Variants in STPG4 observed in about 807,000 individuals in gnomAD.
The protein encoded by STPG4 is protein STPG4.
Under a neutral mutation model 31.5 loss-of-function variants are expected in STPG4, and 41 were observed. The observed-to-expected ratio is 1.30, with a 90% CI of 1.01 to 1.69. The LOEUF (loss-of-function observed/expected upper bound fraction) is 1.69, where lower values mean the gene tolerates loss of function less well. Among genes scored for constraint, STPG4 ranks in the 40% most tolerant of loss-of-function variants. The pLI is 0.00. For missense variants in STPG4, 375 were observed against 293.4 expected (o/e 1.28, Z -2.03); for synonymous variants, 141 against 103.0 (o/e 1.37, Z -2.24).
At chr2:47,116,728 C>T (rs1354061206) in intron 5 of STPG4, among the ~76,000 whole-genome samples, 1 of 152,126 alleles carries the variant, frequency 6.6e-6, no homozygotes, top group Non-Finnish European at 1.5e-5. Flanking sequence ...TCACTAATGC[C>T]TTAGTATGAA....
intron 3 of STPG4, among the ~76,000 whole-genome samples, chr2:47,143,343 A>G (rs1448500927): frequency 1.3e-5 from 2 of 152,166 alleles, no homozygotes; most frequent in African/African-American, 4.8e-5. Context: ...AATGTACAGT[A>G]CTTATATAGT....
intron 3 of STPG4, among the ~76,000 whole-genome samples, chr2:47,143,984 A>G (rs1211343278): frequency 1.3e-5 from 2 of 152,166 alleles, no homozygotes; most frequent in African/African-American, 2.4e-5. Context: ...TTCACTGGCT[A>G]CAGGCTGAGA....
At chr2:47,114,293 C>A (rs561314404) in intron 5 of STPG4, among the ~76,000 whole-genome samples, 134 of 151,776 alleles carry the variant, frequency 8.8e-4, no homozygotes, top group Non-Finnish European at 1.2e-3. Context: ...TCGCTTGAGG[C>A]CCGGAGTTCG....
intron 5 of STPG4, among the ~76,000 whole-genome samples, chr2:47,124,672 C>A (rs2103772640): frequency 6.6e-6 from 1 of 152,310 alleles, no homozygotes; most frequent in Non-Finnish European, 1.5e-5. Flanking sequence ...ATCCATTCAT[C>A]TGCTAATGTA....
chr2:47,099,267 G>A (rs1055778973), intron 5 of STPG4, among the ~76,000 whole-genome samples: 5 of 152,194 alleles, frequency 3.3e-5, no homozygotes, highest in African/African-American at 1.2e-4. Flanking sequence ...AACCCACAAT[G>A]GTTTGAAATC....
At chr2:47,153,306 T>C (rs1243730301) in intron 1 of STPG4, among the ~76,000 whole-genome samples, 2 of 152,178 alleles carry the variant, frequency 1.3e-5, no homozygotes, top group Non-Finnish European at 2.9e-5. Flanking sequence ...TGTGGTGTCC[T>C]TAGGAAGAAA....
chr2:47,140,054 G>C (rs916846270), intron 3 of STPG4, among the ~76,000 whole-genome samples: 1 of 152,064 alleles, frequency 6.6e-6, no homozygotes, highest in Non-Finnish European at 1.5e-5. Context: ...GATTACAAGC[G>C]TGAGCCACAG....
At chr2:47,099,312 G>C (rs1685739446) in intron 5 of STPG4, among the ~76,000 whole-genome samples, 1 of 152,212 alleles carries the variant, frequency 6.6e-6, no homozygotes, top group Non-Finnish European at 1.5e-5. Flanking sequence ...GGACAGGGCT[G>C]GCAACTGCCC....
At chr2:47,149,953 G>T (rs1686903414) in intron 3 of STPG4, among the ~76,000 whole-genome samples, 1 of 152,116 alleles carries the variant, frequency 6.6e-6, no homozygotes, top group South Asian at 2.1e-4. Context: ...TCAAGGCGAG[G>T]GGCACATGGT....
chr2:47,113,477 T>C (rs1686081451), intron 5 of STPG4, among the ~76,000 whole-genome samples: 1 of 152,142 alleles, frequency 6.6e-6, no homozygotes, highest in Non-Finnish European at 1.5e-5. Flanking sequence ...TTAGAATGCA[T>C]AGCCATAAAT....
intron 5 of STPG4, among the ~76,000 whole-genome samples, chr2:47,118,559 T>C (rs983961663): frequency 1.3e-5 from 2 of 152,190 alleles, no homozygotes; most frequent in Non-Finnish European, 2.9e-5. Context: ...ATGGAAAAAC[T>C]GTCTTCTGTG....
chr2:47,153,779 G>A (rs72810417), intron 1 of STPG4, among the ~76,000 whole-genome samples: 20,964 of 151,438 alleles, frequency 0.14, 1,920 homozygotes, highest in African/African-American at 0.25. Context: ...ACCTCAGGGG[G>A]AAAAAAAAGA....
chr2:47,115,619 CTGTT>C (rs1034374656), intron 5 of STPG4, among the ~76,000 whole-genome samples: 4 of 144,144 alleles, frequency 2.8e-5, no homozygotes, highest in African/African-American at 7.6e-5. Context: ...ATCCTTCTGT[CTGTT>C]TATCTCCATC....
At chr2:47,128,199 C>T (rs918158210) in intron 5 of STPG4, among the ~76,000 whole-genome samples, 6 of 152,146 alleles carry the variant, frequency 3.9e-5, no homozygotes, top group Non-Finnish European at 7.4e-5. Context: ...CCCAAACAAA[C>T]GAAGTCTCTC....
At chr2:47,104,894 A>G (rs1685873879) in intron 5 of STPG4, among the ~76,000 whole-genome samples, 1 of 151,968 alleles carries the variant, frequency 6.6e-6, no homozygotes, top group Non-Finnish European at 1.5e-5. Flanking sequence ...CTCAGCAAGG[A>G]ACAAATACAG....
At chr2:47,102,954 T>C (rs1685830908) in intron 5 of STPG4, among the ~76,000 whole-genome samples, 1 of 151,870 alleles carries the variant, frequency 6.6e-6, no homozygotes, top group Non-Finnish European at 1.5e-5. Flanking sequence ...GTCATGCTAC[T>C]GTTAGATCAA....
chr2:47,099,995 C>T (rs186971449), intron 5 of STPG4, among the ~76,000 whole-genome samples: 47 of 152,232 alleles, frequency 3.1e-4, no homozygotes, highest in African/African-American at 7.2e-4. Flanking sequence ...ACCTGCAGCC[C>T]ACCATGCCTG....
chr2:47,125,943 T>C (rs1209483226), intron 5 of STPG4, among the ~76,000 whole-genome samples: 1 of 152,204 alleles, frequency 6.6e-6, no homozygotes, highest in Non-Finnish European at 1.5e-5. Context: ...TTCATATGGA[T>C]ATCCAGTTTT....
chr2:47,151,321 C>G lies in STPG4; in HGVS notation c.336G>C (p.Val112=). The G allele has an allele frequency of 6.2e-7, 1 of 1,614,100 alleles. No homozygotes were observed. The highest frequency in any genetic ancestry group is 8.5e-7 in the Non-Finnish European group (1 of 1,179,988). Residue 112 remains valine, a synonymous_variant, in exon 3 of 7, where the codon GTG becomes GTC. Coordinates refer to ENST00000445927, the MANE Select transcript of STPG4 (RefSeq NM_001163561.2). ...PDFLDLLKKQ[V]ATYSFKDKPR... ...GTTTGTCTTTGAATGAGTAAGTAGC[C>G]ACTTGCTTCTTTAACAGGTCCAGGA...
Sources: allele counts gnomAD v4.1 joint callset (sites outside exome capture counted in the v4.1 genomes callset), GRCh38; gene constraint gnomAD v4.1.1; transcripts MANE v1.5; gene names NCBI Gene and HGNC (gene_info 2026-07-23, HGNC 2026-07-21).